The following CADM2 variants were observed in gnomAD, a reference collection of about 807,000 sequenced individuals.
CADM2 encodes cell adhesion molecule 2, also known as immunoglobulin superfamily member 4D.
CADM2 carries 12 observed loss-of-function variants against 49.8 expected under a neutral mutation model. That is an observed-to-expected ratio of 0.24 (90% CI 0.15 to 0.39). CADM2 has a LOEUF of 0.39. CADM2 is among the 10% of genes least tolerant of loss of function. The pLI is 1.00. For synonymous variants in CADM2, 214 were observed against 175.4 expected (o/e 1.22, Z -1.74); for missense variants, 378 against 492.3 (o/e 0.77, Z 2.20).
chr3:85,830,797 T>TTTTTTTTATTTA (rs1553693897), intron 3 of CADM2, among the ~76,000 whole-genome samples: 1 of 142,100 alleles, frequency 7.0e-6, no homozygotes, highest in African/African-American at 2.6e-5. Flanking sequence ...TCTTTGTGCA[T>TTTTTTTTATTTA]TTTATTTATT....
chr3:84,959,501 G>A lies in CADM2; in HGVS notation c.-107G>A. ...CCGCAGCGGTGGGGACGGTGGGTCC[G>A]GCGGGCGCCGGGAGGAGGACACCAG... On this transcript the variant is annotated 5_prime_UTR_variant, in exon 1 of 10. Transcript: ENST00000383699. The A allele has an allele frequency of 1.8e-6, 2 of 1,117,098 alleles. No homozygotes were observed. The highest frequency in any genetic ancestry group is 2.6e-6 in the Non-Finnish European group (2 of 780,008). The allele number at this position is 1,117,098 out of a possible 1,614,324, so 69.2% of individuals were successfully genotyped here. A position where few individuals can be genotyped will look rare whatever the true frequency, so the allele number is the denominator to read the frequency against.
chr3:85,053,638 G>A (rs1220702755), intron 1 of CADM2, among the ~76,000 whole-genome samples: 5 of 151,854 alleles, frequency 3.3e-5, no homozygotes, highest in African/African-American at 1.2e-4. Flanking sequence ...AAGCAAAAAG[G>A]CCCATTCTAC....
intron 1 of CADM2, among the ~76,000 whole-genome samples, chr3:85,417,065 A>G (rs1334972177): frequency 6.6e-6 from 1 of 152,114 alleles, no homozygotes; most frequent in Non-Finnish European, 1.5e-5. Context: ...ATGTAGAAAA[A>G]TGTTCAATTA....
At chr3:85,011,974 T>TA (rs1229011976) in intron 1 of CADM2, among the ~76,000 whole-genome samples, 1 of 151,940 alleles carries the variant, frequency 6.6e-6, no homozygotes, top group Non-Finnish European at 1.5e-5. Context: ...TATAGTTAAG[T>TA]AAAAAAATAC....
rs1368731570 is a variant in CADM2, at chr3:85,014,287, G to C, written c.61+54619G>C. Among the ~76,000 whole-genome samples, 3 of 151,078 alleles carry C rather than the reference G, an allele frequency of 2.0e-5. No individual in the cohort carries two copies. The East Asian group carries it at 5.8e-4, about 29-fold the overall frequency. ...GTGTAATAATATGTTTAGAGAAAAA[G>C]AGGAAAGGGACCACCTTCTCATCAC... On this transcript the variant is annotated intron_variant, in intron 1 of 9. Transcript: ENST00000383699.
chr3:85,165,107 AT>A (rs2040434634), intron 1 of CADM2, among the ~76,000 whole-genome samples: 1 of 151,776 alleles, frequency 6.6e-6, no homozygotes, highest in South Asian at 2.1e-4. Flanking sequence ...AATTTTTGGT[AT>A]TAAATATAAT....
intron 8 of CADM2, among the ~76,000 whole-genome samples, chr3:86,050,644 G>A (rs1405378103): frequency 6.6e-6 from 1 of 152,172 alleles, no homozygotes; most frequent in Non-Finnish European, 1.5e-5. Context: ...AAGCTCCCAA[G>A]CCTCAAATCT....
chr3:85,292,177 C>G (rs1228347443), intron 1 of CADM2, among the ~76,000 whole-genome samples: 1 of 148,746 alleles, frequency 6.7e-6, no homozygotes, highest in Admixed American at 6.6e-5. Flanking sequence ...CAACAAAGAT[C>G]AAAAGAGACA....
intron 2 of CADM2, among the ~76,000 whole-genome samples, chr3:85,738,568 C>T (rs2068243990): frequency 6.6e-6 from 1 of 152,164 alleles, no homozygotes; most frequent in Non-Finnish European, 1.5e-5. Context: ...AATTTGACTT[C>T]ATATTTATTA....
intron 8 of CADM2, among the ~76,000 whole-genome samples, chr3:86,028,395 A>G (rs1406117292): frequency 6.6e-6 from 1 of 152,152 alleles, no homozygotes; most frequent in East Asian, 1.9e-4. Flanking sequence ...TTCCACTCTA[A>G]TAAATAACAA....
intron 1 of CADM2, among the ~76,000 whole-genome samples, chr3:85,539,705 T>A (rs1359904090): frequency 1.3e-5 from 2 of 152,070 alleles, no homozygotes; most frequent in African/African-American, 4.8e-5. Flanking sequence ...AGAAATGCAA[T>A]GGATTGGGTA....
At chr3:85,348,491 G>T (rs1241612251) in intron 1 of CADM2, among the ~76,000 whole-genome samples, 1 of 152,154 alleles carries the variant, frequency 6.6e-6, no homozygotes, top group Admixed American at 6.6e-5. Context: ...ATTTATGTAA[G>T]CCTCTTGGGA....
intron 1 of CADM2, among the ~76,000 whole-genome samples, chr3:85,330,519 T>G (rs532353445): frequency 8.5e-5 from 13 of 152,292 alleles, no homozygotes; most frequent in African/African-American, 3.1e-4. Flanking sequence ...ACTTTTTTCT[T>G]TATTCCTTTC....
chr3:85,262,953 G>A (rs922026675), intron 1 of CADM2, among the ~76,000 whole-genome samples: 5 of 133,754 alleles, frequency 3.7e-5, no homozygotes, highest in African/African-American at 2.0e-4. Flanking sequence ...GTGTAAATAT[G>A]ATGATTATTA....
chr3:85,222,466 C>T (rs2042063537), intron 1 of CADM2, among the ~76,000 whole-genome samples: 1 of 152,162 alleles, frequency 6.6e-6, no homozygotes, highest in Non-Finnish European at 1.5e-5. Flanking sequence ...TCCACACAAC[C>T]TTCCTTCCGT....
chr3:85,715,967 T>G (rs1419935865), intron 1 of CADM2, among the ~76,000 whole-genome samples: 2 of 152,214 alleles, frequency 1.3e-5, no homozygotes, highest in Non-Finnish European at 2.9e-5. Context: ...AATACACATG[T>G]GTGTGCCTGC....
At chr3:85,101,911 C>G (rs111360961) in intron 1 of CADM2, among the ~76,000 whole-genome samples, 6 of 151,998 alleles carry the variant, frequency 3.9e-5, no homozygotes, top group Admixed American at 2.6e-4. Context: ...AAGATGACAC[C>G]CACAGTGTGT....
chr3:85,139,756 T>A (rs2039521732), intron 1 of CADM2, among the ~76,000 whole-genome samples: 1 of 152,176 alleles, frequency 6.6e-6, no homozygotes. Flanking sequence ...TCCATTTTTA[T>A]GGGATTTGGC....
Position 86,072,882 on chromosome 3 carries a change from T to G in CADM2, c.*6099T>G, listed in dbSNP as rs1224417514. ...ATAGAAAGAAAAATAATCTAGAAAT[T>G]TTTCAAAGCTAGTACTCTTTCTCCT... On this transcript the variant is annotated 3_prime_UTR_variant, in exon 10 of 10. Transcript: ENST00000383699. 2 of 152,060 alleles carry G rather than the reference T, an allele frequency of 1.3e-5. No homozygotes were observed. Among genetic ancestry groups the G allele is most frequent in the African/African-American group, 4.8e-5 (2 of 41,422 alleles). 9.4% of individuals were successfully genotyped at this position (152,060 alleles called of 1,614,324 possible). A position where few individuals can be genotyped will look rare whatever the true frequency, so the allele number is the denominator to read the frequency against.
Sources: allele counts gnomAD v4.1 joint callset (sites outside exome capture counted in the v4.1 genomes callset), GRCh38; gene constraint gnomAD v4.1.1; transcripts MANE v1.5; gene names NCBI Gene and HGNC (gene_info 2026-07-23, HGNC 2026-07-21).